Variants in NEUROD6 observed in about 807,000 individuals in gnomAD.
NEUROD6 encodes neuronal differentiation 6.
NEUROD6 carries 5 observed loss-of-function variants against 24.1 expected under a neutral mutation model. The ratio of observed to expected loss-of-function variants is 0.21; its 90% CI spans 0.11 to 0.44. The LOEUF (loss-of-function observed/expected upper bound fraction) is 0.44, where lower values mean the gene tolerates loss of function less well. Ranked by LOEUF, NEUROD6 falls within the 20% of genes least tolerant of loss-of-function variation. The pLI is 0.99. For missense variants in NEUROD6, 325 were observed against 409.5 expected, an observed-to-expected ratio of 0.79 and a Z score of 1.78; for synonymous variants, 182 against 154.1, an observed-to-expected ratio of 1.18 and a Z score of -1.34.
chr7:31,339,356 T>A, intron 1 of NEUROD6, 67 bp from the exon 2 acceptor site: 1 of 1,200,470 alleles, frequency 8.3e-7, no homozygotes, highest in South Asian at 1.9e-5. Context: ...TAAAACATAT[T>A]TAATTATTTA....
chr7:31,339,254 C>A lies in NEUROD6; in HGVS notation c.15G>T (p.Pro5=), dbSNP rs776661789. 19 of 1,608,848 alleles carry A rather than the reference C, an allele frequency of 1.2e-5. No individual in the cohort carries two copies. Among genetic ancestry groups the A allele is most frequent in the Non-Finnish European group, 1.5e-5 (18 of 1,178,188 alleles). Residue 5 remains proline (P), a synonymous_variant, in exon 2 of 2, where the codon CCG becomes CCT. Coordinates refer to ENST00000297142, the MANE Select transcript of NEUROD6 (RefSeq NM_022728.4). ...CTGGCATTACAACAGACTCATCAAA[C>A]GGTAGTGTTAACATGGTTCTCTAAT... is the stretch of plus-strand genomic sequence containing the variant. MLTL[P]FDESVVMPES... is the part of the protein sequence containing the mutation.
rs757346878 is a variant in NEUROD6, at chr7:31,338,400, T to G, written c.869A>C (p.His290Pro). 6.2e-7 allele frequency: 1 copy of G among 1,614,194 alleles called. No homozygotes were observed. Among genetic ancestry groups the G allele is most frequent in the Admixed American group, 1.7e-5 (1 of 60,022 alleles). Residue 290 changes from histidine to proline, a missense_variant, in exon 2 of 2, where the codon CAT becomes CCT. Physicochemically the swap from His to Pro is moderately conservative, Grantham distance 77. This residue lies in a region of NEUROD6 where 175 missense variants were observed against 201.3 expected (regional missense o/e 0.87). Transcript: ENST00000297142. The surrounding 1 kb of genome is among the most constrained non-coding windows in gnomAD (Gnocchi z 5.1). ...DYGKNYNYGMHYCAVPPRGPL... is the reference protein window; with the variant it reads ...DYGKNYNYGMPYCAVPPRGPL... ...ACCCCTGGGTGGCACTGCACAGTAA[T>G]GCATGCCGTAATTGTAATTTTTACC...
intron 1 of NEUROD6, among the ~76,000 whole-genome samples, 196 bp from the exon 2 acceptor site, chr7:31,339,485 G>C (rs929091431): frequency 1.3e-5 from 2 of 151,966 alleles, no homozygotes; most frequent in Admixed American, 1.3e-4. Context: ...CATTCAATAG[G>C]ATTATTTATA....
Position 31,338,733 on chromosome 7 carries a change from C to G in NEUROD6, c.536G>C (p.Gly179Ala). The change falls in exon 2 of 2, where the codon GGC (glycine) becomes GCC (alanine). Residue 179 changes from glycine (G) to alanine (A), a missense_variant. By Grantham distance (60) the Gly-to-Ala change is moderately conservative. Around this residue, in one of 3 missense-constraint regions of NEUROD6, gnomAD observed 175 missense variants for 201.3 expected, o/e 0.87. Transcript: ENST00000297142. The surrounding 1 kb of genome is among the most constrained non-coding windows in gnomAD (Gnocchi z 5.1). ...LSQPTTNLVA[G>A]CLQLNARSFL... is the part of the protein sequence containing the mutation. ...ACTCCTGGCGTTGAGCTGCAAGCAG[C>G]CTGCCACCAAGTTTGTAGTTGGCTG... The G allele has an allele frequency of 6.2e-7, 1 of 1,614,116 alleles. No individual in the cohort carries two copies. Among genetic ancestry groups the G allele is most frequent in the East Asian group, 2.2e-5 (1 of 44,862 alleles).
intron 1 of NEUROD6, among the ~76,000 whole-genome samples, chr7:31,339,766 A>G (rs1783104712): frequency 6.6e-6 from 1 of 152,154 alleles, no homozygotes; most frequent in East Asian, 1.9e-4. Flanking sequence ...AAACAAACAA[A>G]CAAACAAAAC....
At position 31,339,092 on chromosome 7, in the gene NEUROD6, T is replaced by C. The variant is rs1048836125; in HGVS notation, c.177A>G (p.Glu59=). The C allele has an allele frequency of 3.1e-6, 5 of 1,613,970 alleles. No individual in the cohort carries two copies. The African/African-American group carries it at 6.7e-5, about 22-fold the overall frequency. Residue 59 remains glutamate, a synonymous_variant, in exon 2 of 2, where the codon GAA becomes GAG. Transcript: ENST00000297142. ...CCTCTTCCCTGTCTTCCTCCTCTTC[T>C]TCTTTCTCGGTTTCTTCTCCAGGGG... The part of the protein sequence containing the change: ...KRAPGEETEK[E]EEEEDREEED...
rs1394010853 is a variant in NEUROD6, at chr7:31,337,756, C to T, written c.*499G>A. 3 of 152,790 alleles carry T rather than the reference C, an allele frequency of 2.0e-5. No individual in the cohort carries two copies. Among genetic ancestry groups the T allele is most frequent in the Non-Finnish European group, 4.4e-5 (3 of 68,190 alleles). The allele number at this position is 152,790 out of a possible 1,614,324, so 9.5% of individuals were successfully genotyped here. ...ATAGCTTTTTATATTGTTGCAAATT[C>T]ATCTCCCAATATCATTGTCAGCTTA... On this transcript the variant is annotated 3_prime_UTR_variant, in exon 2 of 2. Coordinates refer to ENST00000297142, the MANE Select transcript of NEUROD6 (RefSeq NM_022728.4).
In NEUROD6 at chr7:31,338,339, G is replaced by A. The variant is rs749622460; in HGVS notation, c.930C>T (p.Thr310=). 1.9e-6 allele frequency: 3 copies of A among 1,614,100 alleles called. No homozygotes were observed. The highest frequency in any genetic ancestry group is 1.3e-5 in the African/African-American group (1 of 75,028). Residue 310 remains threonine (T), a synonymous_variant, in exon 2 of 2, where the codon ACC becomes ACT. Coordinates refer to ENST00000297142, the MANE Select transcript of NEUROD6 (RefSeq NM_022728.4). This position sits in a 1 kb window ranked among gnomAD's most constrained non-coding sequence, Gnocchi z 5.1. ...GTAAGTCGTAAGGGAAGTGGCTGTC[G>A]GTGGGCAACCTGAACATGGCACCCT... ...LGQGAMFRLP[T]DSHFPYDLHL...
At position 31,338,597 on chromosome 7, in the gene NEUROD6, A is replaced by G. The variant is rs376720167; in HGVS notation, c.672T>C (p.Thr224=). The change falls in exon 2 of 2, where the codon ACT becomes ACC. Residue 224 remains threonine, a synonymous_variant. Coordinates refer to ENST00000297142, the MANE Select transcript of NEUROD6 (RefSeq NM_022728.4). The surrounding 1 kb of genome is among the most constrained non-coding windows in gnomAD (Gnocchi z 5.1). The part of the protein sequence containing the change: ...PELTTPPGHG[T]LDNSKSMKPY... Reference sequence around the variant, plus strand: ...GTTTCATGGACTTGGAATTATCAAGAGTCCCATGCCCTGGGGGAGTGGTGA... The same window carrying G: ...GTTTCATGGACTTGGAATTATCAAGGGTCCCATGCCCTGGGGGAGTGGTGA... 2.5e-6 allele frequency: 4 copies of G among 1,613,958 alleles called. No homozygotes were observed. The African/African-American group carries it at 5.3e-5, about 22-fold the overall frequency.
Position 31,338,554 on chromosome 7 carries a change from C to T in NEUROD6, c.715G>A (p.Ala239Thr). ...KSMKPYNYCS[A>T]YESFYESTSP... ...GTACTTTCATAGAAGGATTCATACG[C>T]ACTGCAATAATTGTAGGGTTTCATG... The change falls in exon 2 of 2, where the codon GCG becomes ACG. Residue 239 changes from alanine (A) to threonine (T), a missense_variant. Ala to Thr is a moderately conservative substitution (Grantham distance 58, BLOSUM62 0). Coordinates refer to ENST00000297142, the MANE Select transcript of NEUROD6 (RefSeq NM_022728.4). The surrounding 1 kb of genome is among the most constrained non-coding windows in gnomAD (Gnocchi z 5.1). 1.9e-6 allele frequency: 3 copies of T among 1,614,122 alleles called. No individual in the cohort carries two copies. The highest frequency in any genetic ancestry group is 1.7e-5 in the Admixed American group (1 of 60,020).
rs764913885 is a variant in NEUROD6 at position 31,339,214 on chromosome 7, T to C, written c.55A>G (p.Arg19Gly). The change falls in exon 2 of 2, where the codon AGA (arginine) becomes GGA (glycine). Residue 19 changes from arginine to glycine, a missense_variant. By Grantham distance (125) the Arg-to-Gly change is moderately radical (BLOSUM62 -2). Transcript: ENST00000297142. ...TCCTCGCATTCTCTAGAAAACTTTC[T>C]GCACATCTGGGATTCTGGCATTACA... Reference protein sequence around the residue: ...SVVMPESQMCRKFSRECEDQK... With the variant: ...SVVMPESQMCGKFSRECEDQK... 8 of 1,613,836 alleles carry C rather than the reference T, an allele frequency of 5.0e-6. No individual in the cohort carries two copies. The highest frequency in any genetic ancestry group is 6.8e-6 in the Non-Finnish European group (8 of 1,180,026).
In NEUROD6 at chr7:31,337,863, T is replaced by A. The variant is rs1783083650; in HGVS notation, c.*392A>T. The A allele has an allele frequency of 6.1e-6, 1 of 163,170 alleles. No individual in the cohort carries two copies. Among genetic ancestry groups the A allele is most frequent in the African/African-American group, 2.4e-5 (1 of 41,634 alleles). The allele number at this position is 163,170 out of a possible 1,614,324, so 10.1% of individuals were successfully genotyped here. On this transcript the variant is annotated 3_prime_UTR_variant, in exon 2 of 2. Coordinates refer to ENST00000297142, the MANE Select transcript of NEUROD6 (RefSeq NM_022728.4). ...CCTAATAATTATAAACACATCATTT[T>A]ACTCATCTGGTTTTAATAACATGCA... is the stretch of plus-strand genomic sequence containing the variant.
rs1412387436 is a variant in NEUROD6 at position 31,339,030 on chromosome 7, C to T, written c.239G>A (p.Arg80Lys). 2.5e-6 allele frequency: 4 copies of T among 1,613,720 alleles called. No homozygotes were observed. Among genetic ancestry groups the T allele is most frequent in the African/African-American group, 1.3e-5 (1 of 74,808 alleles). ...TCGCAGCTTTGTTGTCTTTTTTTTC[C>T]TAAGACCCCTCCTTCTAGGCAACCC... ...ENGLPRRRGL[R>K]KKKTTKLRLE... The change falls in exon 2 of 2, where the codon AGG becomes AAG. Residue 80 changes from arginine (R) to lysine (K), a missense_variant. Physicochemically the swap from Arg to Lys is conservative, Grantham distance 26 (BLOSUM62 2). This residue lies in a region of NEUROD6 where 109 missense variants were observed against 107.3 expected (regional missense o/e 1.02). Coordinates refer to ENST00000297142, the MANE Select transcript of NEUROD6 (RefSeq NM_022728.4).
chr7:31,340,549 A>C (rs1344588137), intron 1 of NEUROD6, 44 bp downstream of exon 1: 2 of 152,278 alleles, frequency 1.3e-5, no homozygotes, highest in Non-Finnish European at 2.9e-5. Context: ...AAATACTTGC[A>C]TGCAAAGCCA....
At chr7:31,339,795 A>C (rs1480861403) in intron 1 of NEUROD6, among the ~76,000 whole-genome samples, 2 of 152,322 alleles carry the variant, frequency 1.3e-5, no homozygotes, top group African/African-American at 4.8e-5. Flanking sequence ...TATTTGCTGT[A>C]TCACACAACT....
rs1401009666 is a variant in NEUROD6 at position 31,340,663 on chromosome 7, G to C, written c.-92C>G. On this transcript the variant is annotated 5_prime_UTR_variant, in exon 1 of 2. Coordinates refer to ENST00000297142, the MANE Select transcript of NEUROD6 (RefSeq NM_022728.4). ...TCCAAATCTTTTCAGGCTGAGTGTC[G>C]CATCGTCTCCTGGAGTCTCTAGATC... is the stretch of plus-strand genomic sequence containing the variant. 1 of 152,486 alleles carries C rather than the reference G, an allele frequency of 6.6e-6. No individual in the cohort carries two copies. The highest frequency in any genetic ancestry group is 2.4e-5 in the African/African-American group (1 of 41,406). The allele number at this position is 152,486 out of a possible 1,614,324, so 9.4% of individuals were successfully genotyped here.
intron 1 of NEUROD6, among the ~76,000 whole-genome samples, chr7:31,340,206 C>T (rs1021076970): frequency 2.0e-5 from 3 of 152,162 alleles, no homozygotes; most frequent in Non-Finnish European, 2.9e-5. Context: ...CAATTGTGCA[C>T]GTGTGTTCAG....
Position 31,338,501 on chromosome 7 carries a change from A to C in NEUROD6, c.768T>G (p.Phe256Leu), listed in dbSNP as rs771211989. ...STSPECASPQ[F>L]EGPLSPPPIN... ...TTGGGGGAGGACTTAAGGGACCTTC[A>C]AACTGAGGGCTGGCACACTCAGGGG... Residue 256 changes from phenylalanine to leucine, a missense_variant, in exon 2 of 2, where the codon TTT (phenylalanine) becomes TTG (leucine). By Grantham distance (22) the Phe-to-Leu change is conservative. Around this residue, in one of 3 missense-constraint regions of NEUROD6, gnomAD observed 175 missense variants for 201.3 expected, o/e 0.87. Transcript: ENST00000297142. This position sits in a 1 kb window ranked among gnomAD's most constrained non-coding sequence, Gnocchi z 5.1. 7.4e-6 allele frequency: 12 copies of C among 1,613,998 alleles called. No individual in the cohort carries two copies. Among genetic ancestry groups the C allele is most frequent in the Non-Finnish European group, 9.3e-6 (11 of 1,180,008 alleles).
At position 31,338,601 on chromosome 7, in the gene NEUROD6, C is replaced by T; in HGVS notation, c.668G>A (p.Gly223Glu). The change falls in exon 2 of 2, where the codon GGG becomes GAG. Residue 223 changes from glycine to glutamate, a missense_variant. By Grantham distance (98) the Gly-to-Glu change is moderately conservative (BLOSUM62 -2). Coordinates refer to ENST00000297142, the MANE Select transcript of NEUROD6 (RefSeq NM_022728.4). This position sits in a 1 kb window ranked among gnomAD's most constrained non-coding sequence, Gnocchi z 5.1. ...CATGGACTTGGAATTATCAAGAGTCCCATGCCCTGGGGGAGTGGTGAGCTC... is the reference window on the plus strand; with the variant it reads ...CATGGACTTGGAATTATCAAGAGTCTCATGCCCTGGGGGAGTGGTGAGCTC... ...SPELTTPPGH[G>E]TLDNSKSMKP... 1 of 1,613,890 alleles carries T rather than the reference C, an allele frequency of 6.2e-7. No homozygotes were observed. Among genetic ancestry groups the T allele is most frequent in the Non-Finnish European group, 8.5e-7 (1 of 1,179,950 alleles).
Sources: gnomAD v4.1 joint callset for allele counts (sites outside exome capture counted in the v4.1 genomes callset) on GRCh38, gnomAD v4.1.1 for gene constraint, gnomAD v4.1.1 regional missense constraint, Gnocchi (gnomAD v3.1) non-coding constraint, MANE v1.5 for transcripts, NCBI Gene and HGNC (gene_info 2026-07-23, HGNC 2026-07-21) for gene names.